Variants in MNAT1 observed in about 807,000 individuals in gnomAD.
The protein encoded by MNAT1 is MNAT1 component of CDK activating kinase, also known as CDK-activating kinase assembly factor MAT1.
MNAT1 carries 43 observed loss-of-function variants against 42.0 expected under a neutral mutation model. That is an observed-to-expected ratio of 1.02 (90% CI 0.80 to 1.32). MNAT1 has a LOEUF of 1.32. MNAT1 is among the 40% of genes most tolerant of loss of function. The probability of loss-of-function intolerance (pLI) is 0.00; values close to 1 mark genes in which losing one functional copy is unlikely to be tolerated. For missense variants in MNAT1, 306 were observed against 350.4 expected (o/e 0.87, Z 1.01); for synonymous variants, 118 against 120.0 (o/e 0.98, Z 0.11).
At chr14:60,889,821 G>A (rs555133987) in intron 7 of MNAT1, among the ~76,000 whole-genome samples, 38 of 152,174 alleles carry the variant, frequency 2.5e-4, no homozygotes, top group African/African-American at 4.8e-4. Flanking sequence ...AAAAGAAGAC[G>A]TTTATGCAGC....
chr14:60,944,684 G>A (rs1172650179), intron 7 of MNAT1, among the ~76,000 whole-genome samples: 1 of 152,026 alleles, frequency 6.6e-6, no homozygotes, highest in African/African-American at 2.4e-5. Context: ...AAATTATCAG[G>A]AACAATATAC....
chr14:60,829,815 C>G (rs1227056347), intron 6 of MNAT1, among the ~76,000 whole-genome samples: 1 of 152,144 alleles, frequency 6.6e-6, no homozygotes, highest in African/African-American at 2.4e-5. Context: ...CATTTTCCTA[C>G]AAAGTATTCT....
intron 1 of MNAT1, among the ~76,000 whole-genome samples, chr14:60,783,643 C>T (rs1264062303): frequency 6.6e-6 from 1 of 151,356 alleles, no homozygotes; most frequent in East Asian, 2.0e-4. Flanking sequence ...ACTACAGGCA[C>T]CTGCCACCAC....
chr14:60,875,929 G>A (rs571345118), intron 6 of MNAT1, among the ~76,000 whole-genome samples: 1 of 151,952 alleles, frequency 6.6e-6, no homozygotes, highest in Non-Finnish European at 1.5e-5. Flanking sequence ...AAATGCACAC[G>A]GAGTGTTGGT....
At chr14:60,896,465 A>T (rs1283220178) in intron 7 of MNAT1, among the ~76,000 whole-genome samples, 1 of 152,200 alleles carries the variant, frequency 6.6e-6, no homozygotes, top group African/African-American at 2.4e-5. Flanking sequence ...CATCCATTTC[A>T]AGTTATTAAT....
At chr14:60,882,638 G>GT (rs2034577538) in intron 7 of MNAT1, among the ~76,000 whole-genome samples, 1 of 151,948 alleles carries the variant, frequency 6.6e-6, no homozygotes, top group Admixed American at 6.6e-5. Context: ...CTCTATTTTT[G>GT]TTTTTTGACA....
intron 7 of MNAT1, among the ~76,000 whole-genome samples, chr14:60,965,827 T>A (rs906901895): frequency 1.3e-5 from 2 of 152,198 alleles, no homozygotes; most frequent in Admixed American, 6.5e-5. Context: ...GGATAAAAAT[T>A]AGCTGGAAAC....
chr14:60,742,871 A>G (rs1386109850), intron 1 of MNAT1, among the ~76,000 whole-genome samples: 1 of 152,242 alleles, frequency 6.6e-6, no homozygotes, highest in South Asian at 2.1e-4. Flanking sequence ...TTGTATGGCT[A>G]TACTACATTT....
chr14:60,780,716 A>G (rs2031427259), intron 1 of MNAT1: 1 of 654,058 alleles, frequency 1.5e-6, no homozygotes, highest in Non-Finnish European at 2.7e-6. Context: ...AACCAAAATG[A>G]TACTTACTGA....
Position 60,818,725 on chromosome 14 carries a change from AGTT to A in MNAT1, c.566_568del (p.Ser189_Ser190delinsThr). ...TGAACTTGAACTATTCTTACAGGAGAGTTCTGATCTCCCTGTTGCTCTGCTTTT... is the reference window on the plus strand; with the variant it reads ...TGAACTTGAACTATTCTTACAGGAGACTGATCTCCCTGTTGCTCTGCTTTT... On this transcript the variant is annotated inframe_deletion, in exon 6 of 8. Transcript: ENST00000261245. 1 of 1,598,768 alleles carries A rather than the reference AGTT, an allele frequency of 6.3e-7. No individual in the cohort carries two copies. The highest frequency in any genetic ancestry group is 8.5e-7 in the Non-Finnish European group (1 of 1,171,792).
At chr14:60,929,066 G>A (rs1156451454) in intron 7 of MNAT1, among the ~76,000 whole-genome samples, 1 of 147,488 alleles carries the variant, frequency 6.8e-6, no homozygotes, top group Non-Finnish European at 1.5e-5. Context: ...AGAATCACTT[G>A]AACCTGGGAG....
At chr14:60,738,006 G>A (rs948106972) in intron 1 of MNAT1, among the ~76,000 whole-genome samples, 1 of 148,250 alleles carries the variant, frequency 6.7e-6, no homozygotes, top group Non-Finnish European at 1.5e-5. Context: ...CCGCTACCAC[G>A]CCCGGCTAAT....
intron 7 of MNAT1, chr14:60,919,973 A>G (rs1268486838): frequency 6.5e-6 from 1 of 154,820 alleles, no homozygotes; most frequent in African/African-American, 2.4e-5. Context: ...CAACGCCATC[A>G]TGTTGCCATA....
chr14:60,779,614 C>T (rs1475279307), intron 1 of MNAT1, among the ~76,000 whole-genome samples: 3 of 151,900 alleles, frequency 2.0e-5, no homozygotes, highest in South Asian at 2.1e-4. Context: ...GGTGAGACCC[C>T]GTCTCCACTA....
chr14:60,808,408 C>A lies in MNAT1; in HGVS notation c.400C>A (p.Gln134Lys). 1 of 1,558,944 alleles carries A rather than the reference C, an allele frequency of 6.4e-7. No individual in the cohort carries two copies. The highest frequency in any genetic ancestry group is 8.7e-7 in the Non-Finnish European group (1 of 1,152,822). The change falls in exon 4 of 8, where the codon CAG (glutamine) becomes AAG (lysine). Residue 134 changes from glutamine to lysine, a missense_variant. Coordinates refer to ENST00000261245, the MANE Select transcript of MNAT1 (RefSeq NM_002431.4). ...IYQKENKDVI[Q>K]KNKLKLTREQ... is the part of the protein sequence containing the mutation. ...CCAAAAGGAAAACAAAGATGTTATT[C>A]AGAAAAATAAATTAAAGCTGGTCGG...
At chr14:60,769,451 A>G (rs894842961) in intron 1 of MNAT1, among the ~76,000 whole-genome samples, 1 of 151,044 alleles carries the variant, frequency 6.6e-6, no homozygotes, top group Non-Finnish European at 1.5e-5. Context: ...TTTTTATTTT[A>G]TTTTATTTTT....
intron 1 of MNAT1, among the ~76,000 whole-genome samples, chr14:60,751,239 A>G (rs2140292847): frequency 6.6e-6 from 1 of 152,226 alleles, no homozygotes; most frequent in East Asian, 1.9e-4. Context: ...TTTCAATTAC[A>G]TTTTGATTAC....
intron 7 of MNAT1, among the ~76,000 whole-genome samples, chr14:60,907,965 G>T (rs2035248027): frequency 6.6e-6 from 1 of 151,884 alleles, no homozygotes; most frequent in Non-Finnish European, 1.5e-5. Context: ...AGAAACTTTT[G>T]TAATTAAAAT....
Position 60,966,417 on chromosome 14 carries a change from GACA to G in MNAT1, c.810-1807_810-1805del, listed in dbSNP as rs35026786. Among the ~76,000 whole-genome samples the G allele has an allele frequency of 1.1e-3, 166 of 152,272 alleles. No homozygotes were observed. The East Asian group carries it at 0.023, about 21-fold the overall frequency. On this transcript the variant is annotated intron_variant, in intron 7 of 7. Coordinates refer to ENST00000261245, the MANE Select transcript of MNAT1 (RefSeq NM_002431.4). ...TCACAGGTGTGCGCCACCACACCCA[GACA>G]ACAATGACTAATTAATAATAGTAGT...
Sources: allele counts gnomAD v4.1 joint callset (sites outside exome capture counted in the v4.1 genomes callset), GRCh38; gene constraint gnomAD v4.1.1; transcripts MANE v1.5; gene names NCBI Gene and HGNC (gene_info 2026-07-23, HGNC 2026-07-21).